The following CD79B variants were observed in gnomAD, a reference collection of about 807,000 sequenced individuals.
The protein encoded by CD79B is B-cell antigen receptor complex-associated protein beta chain.
Under a neutral mutation model 30.0 loss-of-function variants are expected in CD79B, and 7 were observed. The ratio of observed to expected loss-of-function variants is 0.23; its 90% CI spans 0.13 to 0.44. The LOEUF (loss-of-function observed/expected upper bound fraction) is 0.44, where lower values mean the gene tolerates loss of function less well. Ranked by LOEUF, CD79B falls within the 20% of genes least tolerant of loss-of-function variation. The probability of loss-of-function intolerance (pLI) is 1.00; values close to 1 mark genes in which losing one functional copy is unlikely to be tolerated. For missense variants in CD79B, 218 were observed against 299.1 expected, an observed-to-expected ratio of 0.73 and a Z score of 2.00; for synonymous variants, 118 against 119.2, an observed-to-expected ratio of 0.99 and a Z score of 0.07.
chr17:63,930,956 A>AG, intron 2 of CD79B: 1 of 345,748 alleles, frequency 2.9e-6, no homozygotes, highest in Non-Finnish European at 5.6e-6. Context: ...CCTTGTTCTT[A>AG]GTGAGCACTG....
intron 2 of CD79B, 55 bp from the exon 3 acceptor site, chr17:63,930,440 G>T: frequency 1.3e-6 from 2 of 1,510,632 alleles, no homozygotes; most frequent in Non-Finnish European, 1.8e-6. Context: ...CTGAGTGCCA[G>T]CCCCAGCAGC....
chr17:63,931,932 G>T, intron 1 of CD79B: 1 of 557,688 alleles, frequency 1.8e-6, no homozygotes, highest in Non-Finnish European at 3.3e-6. Context: ...CCACGGTCCT[G>T]GTTGCTAACT....
At chr17:63,931,201 G>A (rs1908100337) in intron 2 of CD79B, 134 bp downstream of exon 2, 3 of 856,042 alleles carry the variant, frequency 3.5e-6, no homozygotes, top group Admixed American at 3.6e-5. Flanking sequence ...AAGGAGGCCT[G>A]GGGATGGGAA....
chr17:63,930,587 A>G, intron 2 of CD79B: 4 of 615,634 alleles, frequency 6.5e-6, no homozygotes, highest in Non-Finnish European at 1.2e-5. Flanking sequence ...GCCACGGCCA[A>G]GCTCTCAGAC....
At chr17:63,930,532 G>T in intron 2 of CD79B, 147 bp from the exon 3 acceptor site, 1 of 761,094 alleles carries the variant, frequency 1.3e-6, no homozygotes. Context: ...GGCTGAGGTT[G>T]GAGTTGGGAA....
At chr17:63,930,835 C>T (rs1908078989) in intron 2 of CD79B, 1 of 304,126 alleles carries the variant, frequency 3.3e-6, no homozygotes, top group Non-Finnish European at 6.3e-6. Flanking sequence ...CAACTGAGAC[C>T]TTCCTCAGTC....
At chr17:63,929,519 A>G (rs1206566526) in intron 4 of CD79B, 44 bp from the exon 5 acceptor site, 2 of 1,609,414 alleles carry the variant, frequency 1.2e-6, no homozygotes, top group Non-Finnish European at 1.7e-6. Flanking sequence ...AGTGTCCCCC[A>G]GCCCCATCCC....
Position 63,928,977 on chromosome 17 carries a change from A to G in CD79B, c.*249T>C. On this transcript the variant is annotated 3_prime_UTR_variant, in exon 6 of 6. Transcript: ENST00000006750. The stretch of plus-strand genomic sequence containing the variant: ...GTGTGGGGACGGATCACCTCATAGC[A>G]CCCCCAGAAGGCTGGGTCCCGTCCA... 1.8e-6 allele frequency: 1 copy of G among 567,038 alleles called. No homozygotes were observed. The highest frequency in any genetic ancestry group is 3.2e-6 in the Non-Finnish European group (1 of 315,234). 35.1% of individuals were successfully genotyped at this position (567,038 alleles called of 1,614,324 possible). A position where few individuals can be genotyped will look rare whatever the true frequency, so the allele number is the denominator to read the frequency against.
At chr17:63,932,002 G>T in intron 1 of CD79B, 193 bp downstream of exon 1, 1 of 675,544 alleles carries the variant, frequency 1.5e-6, no homozygotes, top group Non-Finnish European at 2.7e-6. Context: ...AGGAACTGGG[G>T]CCACAGGCTC....
rs764846849 is a variant in CD79B, at chr17:63,932,281, A to T, written c.-20T>A. 6.2e-7 allele frequency: 1 copy of T among 1,609,556 alleles called. No homozygotes were observed. Among genetic ancestry groups the T allele is most frequent in the South Asian group, 1.1e-5 (1 of 91,040 alleles). Reference sequence around the variant, plus strand: ...GGCCATGGTCACCGCTCTGTCCCCGACCCCAAACCCGTGACAACGTCCGAG... The same window carrying T: ...GGCCATGGTCACCGCTCTGTCCCCGTCCCCAAACCCGTGACAACGTCCGAG... On this transcript the variant is annotated 5_prime_UTR_variant, in exon 1 of 6. Coordinates refer to ENST00000006750, the MANE Select transcript of CD79B (RefSeq NM_000626.4).
Position 63,929,034 on chromosome 17 carries a change from T to A in CD79B, c.*192A>T, listed in dbSNP as rs909516941. 1.4e-5 allele frequency: 9 copies of A among 624,260 alleles called. No individual in the cohort carries two copies. Among genetic ancestry groups the A allele is most frequent in the Middle Eastern group, 4.2e-4 (1 of 2,366 alleles). The allele number at this position is 624,260 out of a possible 1,614,324, so 38.7% of individuals were successfully genotyped here. ...GAGAACTCCCTCCAAGTTGCTGCCC[T>A]GTTGTCCTTCTACTCCAGGCCCTTT... On this transcript the variant is annotated 3_prime_UTR_variant, in exon 6 of 6. Coordinates refer to ENST00000006750, the MANE Select transcript of CD79B (RefSeq NM_000626.4).
chr17:63,930,462 C>T (rs1187464774), intron 2 of CD79B, 77 bp from the exon 3 acceptor site: 6 of 1,327,978 alleles, frequency 4.5e-6, no homozygotes, highest in Non-Finnish European at 6.4e-6. Context: ...GGCCCCTGCC[C>T]TGGCTGGCAC....
Position 63,929,905 on chromosome 17 carries a change from G to A in CD79B, c.431-17C>T, listed in dbSNP as rs780294667. On this transcript the variant is annotated splice_polypyrimidine_tract_variant and intron_variant, in intron 3 of 5. Coordinates refer to ENST00000006750, the MANE Select transcript of CD79B (RefSeq NM_000626.4). Reference sequence around the variant, plus strand: ...TGCTGAATCCTGCGGGGACAGGGGTGGGGTTGTGAGCCTGGGCCACAGTCC... The same window carrying A: ...TGCTGAATCCTGCGGGGACAGGGGTAGGGTTGTGAGCCTGGGCCACAGTCC... The A allele has an allele frequency of 1.3e-6, 2 of 1,592,776 alleles. No homozygotes were observed. Among genetic ancestry groups the A allele is most frequent in the African/African-American group, 1.3e-5 (1 of 74,498 alleles).
chr17:63,932,075 G>T, intron 1 of CD79B, 120 bp downstream of exon 1: 1 of 917,696 alleles, frequency 1.1e-6, no homozygotes, highest in Non-Finnish European at 1.7e-6. Context: ...ATGAGAGGGA[G>T]ACAGGCGGTA....
chr17:63,930,847 A>G, intron 2 of CD79B: 1 of 276,798 alleles, frequency 3.6e-6, no homozygotes, highest in South Asian at 4.1e-5. Flanking sequence ...TCCTCAGTCG[A>G]CCCCCTCCCT....
intron 2 of CD79B, chr17:63,931,054 G>T (rs1670200478): frequency 2.0e-6 from 1 of 494,232 alleles, no homozygotes; most frequent in Non-Finnish European, 3.7e-6. Flanking sequence ...GACAGGCCCG[G>T]GCCTGAGTCC....
rs1907967527 is a variant in CD79B, at chr17:63,929,302, G to A, written c.614C>T (p.Ala205Val). The change falls in exon 6 of 6, where the codon GCC becomes GTC. Residue 205 changes from alanine (A) to valine (V), a missense_variant. Coordinates refer to ENST00000006750, the MANE Select transcript of CD79B (RefSeq NM_000626.4). ...CAGCGTCACTATGTCCTCATAGGTGGCTGTCTGGTCAATGTCCAGGCCCTG... is the reference window on the plus strand; with the variant it reads ...CAGCGTCACTATGTCCTCATAGGTGACTGTCTGGTCAATGTCCAGGCCCTG... ...TYEGLDIDQTATYEDIVTLRT... is the reference protein window; with the variant it reads ...TYEGLDIDQTVTYEDIVTLRT... 1 of 1,613,726 alleles carries A rather than the reference G, an allele frequency of 6.2e-7. No homozygotes were observed. Among genetic ancestry groups the A allele is most frequent in the African/African-American group, 1.3e-5 (1 of 74,900 alleles).
chr17:63,931,006 T>C lies in CD79B; in HGVS notation c.118+329A>G, dbSNP rs576710606. ...AGCCCCTCACATAGTGACCCTGCAC[T>C]GGAGGGCTCACCCGAGACTCAGCCA... On this transcript the variant is annotated intron_variant, in intron 2 of 5. Coordinates refer to ENST00000006750, the MANE Select transcript of CD79B (RefSeq NM_000626.4). 7.1e-6 allele frequency: 3 copies of C among 423,314 alleles called. No homozygotes were observed. In the Admixed American group the frequency reaches 1.1e-4, roughly 15 times the overall value. The allele number at this position is 423,314 out of a possible 1,614,324, so 26.2% of individuals were successfully genotyped here.
intron 4 of CD79B, 143 bp downstream of exon 4, chr17:63,929,627 A>G (rs1479646520): frequency 1.0e-6 from 1 of 985,130 alleles, no homozygotes; most frequent in Non-Finnish European, 1.6e-6. Flanking sequence ...GAAGGAAGGA[A>G]TGATTGAATT....
Sources: gnomAD v4.1 joint callset for allele counts on GRCh38, gnomAD v4.1.1 for gene constraint, MANE v1.5 for transcripts, NCBI Gene and HGNC (gene_info 2026-07-23, HGNC 2026-07-21) for gene names.